The following FEM1A variants were observed in gnomAD, a reference collection of about 807,000 sequenced individuals.
FEM1A encodes fem-1 homolog A, also known as protein fem-1 homolog A.
FEM1A carries 1 observed loss-of-function variant against 0.7 expected under a neutral mutation model. The observed-to-expected ratio is 1.35, with a 90% CI of 0.48 to 6.40. FEM1A has a LOEUF of 6.40. Ranked by LOEUF, FEM1A falls within the 30% of genes most tolerant of loss-of-function variation. The probability of loss-of-function intolerance (pLI) is 0.14; values close to 1 mark genes in which losing one functional copy is unlikely to be tolerated. For missense variants in FEM1A, 721 were observed against 918.7 expected, an observed-to-expected ratio of 0.78 and a Z score of 2.78; for synonymous variants, 391 against 420.6, an observed-to-expected ratio of 0.93 and a Z score of 0.86.
At position 4,791,754 on chromosome 19, in the gene FEM1A, G is replaced by A; in HGVS notation, c.-101G>A. 1 of 1,229,318 alleles carries A rather than the reference G, an allele frequency of 8.1e-7. No individual in the cohort carries two copies. The highest frequency in any genetic ancestry group is 1.1e-6 in the Non-Finnish European group (1 of 929,918). 76.2% of individuals were successfully genotyped at this position (1,229,318 alleles called of 1,614,324 possible). A position where few individuals can be genotyped will look rare whatever the true frequency, so the allele number is the denominator to read the frequency against. ...CGCCCGAGGAGACCCTAAGATGGCG[G>A]CGAGGGGGACGGTGAAGGTTGCCTC... is the stretch of plus-strand genomic sequence containing the variant. On this transcript the variant is annotated 5_prime_UTR_variant, in exon 1 of 1. Transcript: ENST00000269856.
Position 4,792,877 on chromosome 19 carries a change from C to T in FEM1A, c.1023C>T (p.Pro341=). 1 of 1,612,314 alleles carries T rather than the reference C, an allele frequency of 6.2e-7. No individual in the cohort carries two copies. The highest frequency in any genetic ancestry group is 8.5e-7 in the Non-Finnish European group (1 of 1,180,008). Reference sequence around the variant, plus strand: ...GCGAGTACCTGCCCAAACCGGAGCCCCCACAGCTGGTCCTGGCCTATGACT... The same window carrying T: ...GCGAGTACCTGCCCAAACCGGAGCCTCCACAGCTGGTCCTGGCCTATGACT... ...QGGEYLPKPE[P]PQLVLAYDYS... Residue 341 remains proline (P), a synonymous_variant, in exon 1 of 1, where the codon CCC becomes CCT. Transcript: ENST00000269856. The surrounding 1 kb of genome is among the most constrained non-coding windows in gnomAD (Gnocchi z 6.7).
In FEM1A at chr19:4,796,299, C is replaced by A. The variant is rs1474422040; in HGVS notation, c.*2435C>A. The A allele has an allele frequency of 6.7e-6, 1 of 150,114 alleles. No individual in the cohort carries two copies. Among genetic ancestry groups the A allele is most frequent in the Non-Finnish European group, 1.5e-5 (1 of 67,930 alleles). 9.3% of individuals were successfully genotyped at this position (150,114 alleles called of 1,614,324 possible). On this transcript the variant is annotated 3_prime_UTR_variant, in exon 1 of 1. Coordinates refer to ENST00000269856, the MANE Select transcript of FEM1A (RefSeq NM_018708.3). ...CGCTGCCTCCCGGGTTCAAGTGATT[C>A]TCCTGCCTCAGCCTCCTGAGCATCT...
rs1298072843 is a variant in FEM1A at position 4,794,145 on chromosome 19, C to G, written c.*281C>G. ...ACACAAGACCTTCCCCACATCCTGT[C>G]TGCCTGGGTTAGGGAGGCCTTTGCC... is the stretch of plus-strand genomic sequence containing the variant. On this transcript the variant is annotated 3_prime_UTR_variant, in exon 1 of 1. Coordinates refer to ENST00000269856, the MANE Select transcript of FEM1A (RefSeq NM_018708.3). 2.3e-6 allele frequency: 1 copy of G among 426,768 alleles called. No homozygotes were observed. The highest frequency in any genetic ancestry group is 4.4e-6 in the Non-Finnish European group (1 of 225,052). The allele number at this position is 426,768 out of a possible 1,614,324, so 26.4% of individuals were successfully genotyped here. A position where few individuals can be genotyped will look rare whatever the true frequency, so the allele number is the denominator to read the frequency against.
Position 4,793,102 on chromosome 19 carries a change from C to T in FEM1A, c.1248C>T (p.Ala416=). The part of the protein sequence containing the change: ...FERCIRLWKY[A]LDMQQSNLEP... ...GCTGCATCCGCTTGTGGAAGTACGC[C>T]CTGGACATGCAACAGAGCAACCTGG... Residue 416 remains alanine, a synonymous_variant, in exon 1 of 1, where the codon GCC becomes GCT. Transcript: ENST00000269856. This position sits in a 1 kb window ranked among gnomAD's most constrained non-coding sequence, Gnocchi z 5.1. 1 of 1,613,606 alleles carries T rather than the reference C, an allele frequency of 6.2e-7. No homozygotes were observed. The highest frequency in any genetic ancestry group is 8.5e-7 in the Non-Finnish European group (1 of 1,180,018).
chr19:4,793,131 C>A lies in FEM1A; in HGVS notation c.1277C>A (p.Pro426His). 6.2e-7 allele frequency: 1 copy of A among 1,613,540 alleles called. No individual in the cohort carries two copies. Among genetic ancestry groups the A allele is most frequent in the Non-Finnish European group, 8.5e-7 (1 of 1,180,030 alleles). ...GACATGCAACAGAGCAACCTGGAGC[C>A]TCTGAGCCCCATGACCGCCAGCAGC... ...ALDMQQSNLE[P>H]LSPMTASSFL... The change falls in exon 1 of 1, where the codon CCT becomes CAT. Residue 426 changes from proline to histidine, a missense_variant. Physicochemically the swap from Pro to His is moderately conservative, Grantham distance 77 (BLOSUM62 -2). Around this residue, in one of 4 missense-constraint regions of FEM1A, gnomAD observed 379 missense variants for 454.8 expected, o/e 0.83. Coordinates refer to ENST00000269856, the MANE Select transcript of FEM1A (RefSeq NM_018708.3). This position sits in a 1 kb window ranked among gnomAD's most constrained non-coding sequence, Gnocchi z 5.1.
chr19:4,792,632 A>G lies in FEM1A; in HGVS notation c.778A>G (p.Thr260Ala), dbSNP rs1211282673. The change falls in exon 1 of 1, where the codon ACC becomes GCC. Residue 260 changes from threonine (T) to alanine (A), a missense_variant. By Grantham distance (58) the Thr-to-Ala change is moderately conservative. Coordinates refer to ENST00000269856, the MANE Select transcript of FEM1A (RefSeq NM_018708.3). The surrounding 1 kb of genome is among the most constrained non-coding windows in gnomAD (Gnocchi z 6.7). The stretch of plus-strand genomic sequence containing the variant: ...TGGGCTGCCCCAAGAAGACCCCTCC[A>G]CCAGCCAGGGGTGTGCGCAGCCTCA... ...QPGLPQEDPS[T>A]SQGCAQPQGA... 2 of 1,611,828 alleles carry G rather than the reference A, an allele frequency of 1.2e-6. No homozygotes were observed. The highest frequency in any genetic ancestry group is 2.7e-5 in the African/African-American group (2 of 74,944).
At position 4,793,730 on chromosome 19, in the gene FEM1A, C is replaced by T. The variant is rs1333713183; in HGVS notation, c.1876C>T (p.Leu626=). 1.2e-6 allele frequency: 2 copies of T among 1,612,620 alleles called. No individual in the cohort carries two copies. The highest frequency in any genetic ancestry group is 4.5e-5 in the East Asian group (2 of 44,894). ...TAYELLDEKL[L]ARGTMQPFNY... ...CTACGAGCTGCTGGACGAGAAGCTG[C>T]TGGCCAGGGGTACCATGCAGCCCTT... Residue 626 remains leucine (L), a synonymous_variant, in exon 1 of 1, where the codon CTG becomes TTG. Transcript: ENST00000269856. The surrounding 1 kb of genome is among the most constrained non-coding windows in gnomAD (Gnocchi z 5.1).
rs1359671939 is a variant in FEM1A, at chr19:4,792,401, G to A, written c.547G>A (p.Gly183Ser). ...CCAGGTGAACCGGCGCAGCGCCAAG[G>A]GCAACACGGCCCTGCATGACTGCGC... ...GAQVNRRSAK[G>S]NTALHDCAES... is the part of the protein sequence containing the mutation. Residue 183 changes from glycine to serine, a missense_variant, in exon 1 of 1, where the codon GGC (glycine) becomes AGC (serine). By Grantham distance (56) the Gly-to-Ser change is moderately conservative. Coordinates refer to ENST00000269856, the MANE Select transcript of FEM1A (RefSeq NM_018708.3). The surrounding 1 kb of genome is among the most constrained non-coding windows in gnomAD (Gnocchi z 6.7). The A allele has an allele frequency of 1.3e-6, 2 of 1,595,582 alleles. No homozygotes were observed. Among genetic ancestry groups the A allele is most frequent in the Non-Finnish European group, 1.7e-6 (2 of 1,179,372 alleles).
At position 4,801,234 on chromosome 19, in the gene FEM1A, T is replaced by G. The variant is rs2093568088; in HGVS notation, c.*7370T>G. 3 of 152,208 alleles carry G rather than the reference T, an allele frequency of 2.0e-5. No homozygotes were observed. Among genetic ancestry groups the G allele is most frequent in the African/African-American group, 7.2e-5 (3 of 41,452 alleles). 9.4% of individuals were successfully genotyped at this position (152,208 alleles called of 1,614,324 possible). A position where few individuals can be genotyped will look rare whatever the true frequency, so the allele number is the denominator to read the frequency against. On this transcript the variant is annotated 3_prime_UTR_variant, in exon 1 of 1. Coordinates refer to ENST00000269856, the MANE Select transcript of FEM1A (RefSeq NM_018708.3). ...GTATTAATTTGAATTATTAACTTAT[T>G]AATCATTTGATGTCGATTAAAGCAA...
Position 4,793,228 on chromosome 19 carries a change from G to T in FEM1A, c.1374G>T (p.Gln458His). 6.2e-7 allele frequency: 1 copy of T among 1,613,474 alleles called. No homozygotes were observed. Among genetic ancestry groups the T allele is most frequent in the South Asian group, 1.1e-5 (1 of 91,072 alleles). ...CCGCCAAAGGCAGCCTGGGCACCCA[G>T]ATCGGCTTTGCAGACCTCATGGGGG... The part of the protein sequence containing the change: ...DRAAKGSLGT[Q>H]IGFADLMGVL... Residue 458 changes from glutamine (Q) to histidine (H), a missense_variant, in exon 1 of 1, where the codon CAG becomes CAT. Coordinates refer to ENST00000269856, the MANE Select transcript of FEM1A (RefSeq NM_018708.3). The surrounding 1 kb of genome is among the most constrained non-coding windows in gnomAD (Gnocchi z 5.1).
rs947901195 is a variant in FEM1A, at chr19:4,791,735, A to G, written c.-120A>G. The G allele has an allele frequency of 1.8e-5, 19 of 1,075,258 alleles. No homozygotes were observed. Among genetic ancestry groups the G allele is most frequent in the Non-Finnish European group, 2.3e-5 (18 of 792,546 alleles). 66.6% of individuals were successfully genotyped at this position (1,075,258 alleles called of 1,614,324 possible). A position where few individuals can be genotyped will look rare whatever the true frequency, so the allele number is the denominator to read the frequency against. On this transcript the variant is annotated 5_prime_UTR_variant, in exon 1 of 1. Transcript: ENST00000269856. The stretch of plus-strand genomic sequence containing the variant: ...CGCGGCAGCCATTTTGTTCCGCCCG[A>G]GGAGACCCTAAGATGGCGGCGAGGG...
Position 4,793,068 on chromosome 19 carries a change from A to G in FEM1A, c.1214A>G (p.Asn405Ser), listed in dbSNP as rs1440641559. 1.9e-6 allele frequency: 3 copies of G among 1,613,402 alleles called. No individual in the cohort carries two copies. Among genetic ancestry groups the G allele is most frequent in the South Asian group, 2.2e-5 (2 of 91,068 alleles). The change falls in exon 1 of 1, where the codon AAT becomes AGT. Residue 405 changes from asparagine to serine, a missense_variant. By Grantham distance (46) the Asn-to-Ser change is conservative. Coordinates refer to ENST00000269856, the MANE Select transcript of FEM1A (RefSeq NM_018708.3). The surrounding 1 kb of genome is among the most constrained non-coding windows in gnomAD (Gnocchi z 5.1). ...GGTGCCGTGTACGCCGACTCGGGCA[A>G]TTTCGAGCGCTGCATCCGCTTGTGG... ...YRGAVYADSGNFERCIRLWKY... is the reference protein window; with the variant it reads ...YRGAVYADSGSFERCIRLWKY...
rs1306345980 is a variant in FEM1A, at chr19:4,793,148, G to A, written c.1294G>A (p.Ala432Thr). 8.1e-6 allele frequency: 13 copies of A among 1,613,518 alleles called. No individual in the cohort carries two copies. Among genetic ancestry groups the A allele is most frequent in the Admixed American group, 3.3e-5 (2 of 60,014 alleles). The part of the protein sequence containing the change: ...SNLEPLSPMT[A>T]SSFLSFAELF... ...CCTGGAGCCTCTGAGCCCCATGACC[G>A]CCAGCAGCTTCCTCTCCTTCGCGGA... Residue 432 changes from alanine to threonine, a missense_variant, in exon 1 of 1, where the codon GCC (alanine) becomes ACC (threonine). This residue lies in a region of FEM1A where 379 missense variants were observed against 454.8 expected (regional missense o/e 0.83). Coordinates refer to ENST00000269856, the MANE Select transcript of FEM1A (RefSeq NM_018708.3). This position sits in a 1 kb window ranked among gnomAD's most constrained non-coding sequence, Gnocchi z 5.1.
chr19:4,792,272 C>T lies in FEM1A; in HGVS notation c.418C>T (p.Gln140Ter). The change falls in exon 1 of 1, where the codon CAG becomes TAG. Residue 140 changes from glutamine to a stop codon, truncating the protein, a stop_gained. Transcript: ENST00000269856. LOFTEE classifies it low-confidence loss of function (END_TRUNC). This position sits in a 1 kb window ranked among gnomAD's most constrained non-coding sequence, Gnocchi z 6.7. ...GGTGCGCTACCTGGTCGGCGAGCAC[C>T]AGGCCGACCTGGAGGTGGCCAACCG... is the stretch of plus-strand genomic sequence containing the variant. ...EVVRYLVGEH[Q>*]ADLEVANRHG... The T allele has an allele frequency of 1.3e-6, 2 of 1,558,450 alleles. No individual in the cohort carries two copies. Among genetic ancestry groups the T allele is most frequent in the Non-Finnish European group, 1.7e-6 (2 of 1,157,386 alleles).
chr19:4,793,695 A>G lies in FEM1A; in HGVS notation c.1841A>G (p.Lys614Arg). ...GAHMDATNAF[K>R]KTAYELLDEK... is the part of the protein sequence containing the mutation. Reference sequence around the variant, plus strand: ...CACATGGACGCCACCAATGCCTTCAAGAAGACGGCCTACGAGCTGCTGGAC... The same window carrying G: ...CACATGGACGCCACCAATGCCTTCAGGAAGACGGCCTACGAGCTGCTGGAC... The change falls in exon 1 of 1, where the codon AAG (lysine) becomes AGG (arginine). Residue 614 changes from lysine to arginine, a missense_variant. By Grantham distance (26) the Lys-to-Arg change is conservative. Coordinates refer to ENST00000269856, the MANE Select transcript of FEM1A (RefSeq NM_018708.3). The surrounding 1 kb of genome is among the most constrained non-coding windows in gnomAD (Gnocchi z 5.1). 2 of 1,613,014 alleles carry G rather than the reference A, an allele frequency of 1.2e-6. No individual in the cohort carries two copies. The highest frequency in any genetic ancestry group is 1.7e-6 in the Non-Finnish European group (2 of 1,179,826).
chr19:4,792,505 C>G lies in FEM1A; in HGVS notation c.651C>G (p.Thr217=). The G allele has an allele frequency of 6.3e-7, 1 of 1,598,432 alleles. No individual in the cohort carries two copies. The highest frequency in any genetic ancestry group is 8.5e-7 in the Non-Finnish European group (1 of 1,179,684). The change falls in exon 1 of 1, where the codon ACC becomes ACG. Residue 217 remains threonine, a synonymous_variant. Coordinates refer to ENST00000269856, the MANE Select transcript of FEM1A (RefSeq NM_018708.3). This position sits in a 1 kb window ranked among gnomAD's most constrained non-coding sequence, Gnocchi z 6.7. The part of the protein sequence containing the change: ...ARMERDGYGM[T]PLLAASVTGH... ...TGGAACGTGACGGCTACGGCATGACCCCGCTGCTCGCGGCCAGCGTGACGG... is the reference window on the plus strand; with the variant it reads ...TGGAACGTGACGGCTACGGCATGACGCCGCTGCTCGCGGCCAGCGTGACGG...
At position 4,791,976 on chromosome 19, in the gene FEM1A, G is replaced by A. The variant is rs1165228083; in HGVS notation, c.122G>A (p.Gly41Glu). 3 of 1,533,452 alleles carry A rather than the reference G, an allele frequency of 2.0e-6. No individual in the cohort carries two copies. Among genetic ancestry groups the A allele is most frequent in the South Asian group, 1.2e-5 (1 of 83,816 alleles). 95.0% of individuals were successfully genotyped at this position (1,533,452 alleles called of 1,614,324 possible). A position where few individuals can be genotyped will look rare whatever the true frequency, so the allele number is the denominator to read the frequency against. ...GAGCTGACGGGCGAGGTGGCCGGCG[G>A]GGGAACGCCGCTACTCATCGCCGCC... is the stretch of plus-strand genomic sequence containing the variant. ...LDELTGEVAG[G>E]GTPLLIAARY... Residue 41 changes from glycine to glutamate, a missense_variant, in exon 1 of 1, where the codon GGG becomes GAG. By Grantham distance (98) the Gly-to-Glu change is moderately conservative. This residue lies in a region of FEM1A where 195 missense variants were observed against 316.9 expected (regional missense o/e 0.62). Coordinates refer to ENST00000269856, the MANE Select transcript of FEM1A (RefSeq NM_018708.3).
chr19:4,801,229 C>T lies in FEM1A; in HGVS notation c.*7365C>T, dbSNP rs2093568080. On this transcript the variant is annotated 3_prime_UTR_variant, in exon 1 of 1. Coordinates refer to ENST00000269856, the MANE Select transcript of FEM1A (RefSeq NM_018708.3). ...CAAATGTATTAATTTGAATTATTAA[C>T]TTATTAATCATTTGATGTCGATTAA... is the stretch of plus-strand genomic sequence containing the variant. The T allele has an allele frequency of 6.6e-6, 1 of 152,154 alleles. No homozygotes were observed. Among genetic ancestry groups the T allele is most frequent in the Non-Finnish European group, 1.5e-5 (1 of 68,036 alleles). The allele number at this position is 152,154 out of a possible 1,614,324, so 9.4% of individuals were successfully genotyped here.
rs1219769452 is a variant in FEM1A at position 4,792,306 on chromosome 19, A to G, written c.452A>G (p.His151Arg). 1.3e-6 allele frequency: 2 copies of G among 1,583,700 alleles called. No homozygotes were observed. Among genetic ancestry groups the G allele is most frequent in the Admixed American group, 3.4e-5 (2 of 59,088 alleles). The change falls in exon 1 of 1, where the codon CAC becomes CGC. Residue 151 changes from histidine (H) to arginine (R), a missense_variant. Around this residue, in one of 4 missense-constraint regions of FEM1A, gnomAD observed 195 missense variants for 316.9 expected, o/e 0.62. Coordinates refer to ENST00000269856, the MANE Select transcript of FEM1A (RefSeq NM_018708.3). The surrounding 1 kb of genome is among the most constrained non-coding windows in gnomAD (Gnocchi z 6.7). Reference protein sequence around the residue: ...ADLEVANRHGHTCLMISCYKG... With the variant: ...ADLEVANRHGRTCLMISCYKG... ...CTGGAGGTGGCCAACCGGCACGGCC[A>G]CACGTGCCTCATGATCTCGTGCTAC...
Sources: allele counts gnomAD v4.1 joint callset, GRCh38; gene constraint gnomAD v4.1.1; regional missense constraint gnomAD v4.1.1; non-coding constraint Gnocchi (gnomAD v3.1); transcripts MANE v1.5; gene names NCBI Gene and HGNC (gene_info 2026-07-23, HGNC 2026-07-21).